Variants in BRAF observed in about 807,000 individuals in gnomAD.
The protein encoded by BRAF is B-Raf proto-oncogene, serine/threonine kinase.
In BRAF, 16 loss-of-function variants were observed where a neutral mutation model predicts 104.6. The observed-to-expected ratio is 0.15, with a 90% CI of 0.10 to 0.23. The LOEUF is 0.23. Among genes scored for constraint, BRAF ranks in the 10% least tolerant of loss-of-function variants. The probability of loss-of-function intolerance (pLI) is 1.00; values close to 1 mark genes in which losing one functional copy is unlikely to be tolerated. For missense variants in BRAF, 541 were observed against 937.3 expected (o/e 0.58, Z 5.52); for synonymous variants, 310 against 341.6 (o/e 0.91, Z 1.02).
chr7:140,724,020 A>G lies in BRAF; in HGVS notation c.*2474T>C, dbSNP rs1158308703. 1.2e-5 allele frequency: 12 copies of G among 1,043,358 alleles called. No individual in the cohort carries two copies. The highest frequency in any genetic ancestry group is 1.4e-5 in the Non-Finnish European group (12 of 865,434). 64.6% of individuals were successfully genotyped at this position (1,043,358 alleles called of 1,614,324 possible). On this transcript the variant is annotated 3_prime_UTR_variant, in exon 20 of 20. Coordinates refer to ENST00000644969, the MANE Select transcript of BRAF (RefSeq NM_001374258.1). ...GTTTAAATATTTTATTTTTTAAGGTATCTATAAAAATCTCAATATGCTAAG... is the reference window on the plus strand; with the variant it reads ...GTTTAAATATTTTATTTTTTAAGGTGTCTATAAAAATCTCAATATGCTAAG...
At chr7:140,745,774 C>T (rs1225743384) in intron 17 of BRAF, among the ~76,000 whole-genome samples, 2 of 152,158 alleles carry the variant, frequency 1.3e-5, no homozygotes, top group African/African-American at 4.8e-5. Context: ...TAGTGCTTTG[C>T]ATATAGTTGG....
At chr7:140,791,159 C>T (rs535746608) in intron 8 of BRAF, among the ~76,000 whole-genome samples, 1 of 151,978 alleles carries the variant, frequency 6.6e-6, no homozygotes, top group Admixed American at 6.6e-5. Context: ...GTCCCTCAAC[C>T]CTGAATCAAG....
intron 2 of BRAF, among the ~76,000 whole-genome samples, chr7:140,839,472 G>A (rs1807700959): frequency 6.6e-6 from 1 of 152,094 alleles, no homozygotes; most frequent in South Asian, 2.1e-4. Flanking sequence ...GCTCACACCA[G>A]TAATCCCAGT....
Position 140,754,342 on chromosome 7 carries a change from C to G in BRAF, c.1815-109G>C, listed in dbSNP as rs181020040. 4.7e-4 allele frequency: 418 copies of G among 897,270 alleles called. 1 individual carries two copies. The highest frequency in any genetic ancestry group is 6.9e-4 in the Non-Finnish European group (367 of 534,754). The allele number at this position is 897,270 out of a possible 1,614,324, so 55.6% of individuals were successfully genotyped here. On this transcript the variant is annotated intron_variant, in intron 14 of 19. Coordinates refer to ENST00000644969, the MANE Select transcript of BRAF (RefSeq NM_001374258.1). The stretch of plus-strand genomic sequence containing the variant: ...AGACTTATTTAGAATCATGATACAA[C>G]TGAAAATAGTACATTGTAATAAACC...
intron 1 of BRAF, among the ~76,000 whole-genome samples, chr7:140,859,595 T>C (rs1810178128): frequency 6.6e-6 from 1 of 152,150 alleles, no homozygotes; most frequent in South Asian, 2.1e-4. Flanking sequence ...TATAATGATG[T>C]CAATTTTCCA....
intron 3 of BRAF, among the ~76,000 whole-genome samples, chr7:140,813,763 A>G (rs1351841213): frequency 1.3e-5 from 2 of 152,198 alleles, no homozygotes; most frequent in Non-Finnish European, 2.9e-5. Flanking sequence ...TGATATATAC[A>G]GTATTATGTA....
chr7:140,797,049 C>A (rs1357738526), intron 7 of BRAF, among the ~76,000 whole-genome samples: 2 of 152,120 alleles, frequency 1.3e-5, no homozygotes, highest in Admixed American at 1.3e-4. Flanking sequence ...TTCCACTAAC[C>A]AAGGTAACTT....
chr7:140,813,732 C>T (rs575228361), intron 3 of BRAF, among the ~76,000 whole-genome samples: 10 of 152,032 alleles, frequency 6.6e-5, no homozygotes, highest in Non-Finnish European at 1.5e-4. Flanking sequence ...CCTACATAAA[C>T]GTTAAAAACA....
Position 140,721,306 on chromosome 7 carries a change from T to C in BRAF, c.*5188A>G. On this transcript the variant is annotated 3_prime_UTR_variant, in exon 20 of 20. Coordinates refer to ENST00000644969, the MANE Select transcript of BRAF (RefSeq NM_001374258.1). ...TAATTGCCCCATGCATTTTTTTTTTTTAAAGCACTGTTACCTTAATTTAAG... is the reference window on the plus strand; with the variant it reads ...TAATTGCCCCATGCATTTTTTTTTTCTAAAGCACTGTTACCTTAATTTAAG... 1 of 1,167,586 alleles carries C rather than the reference T, an allele frequency of 8.6e-7. No individual in the cohort carries two copies. Among genetic ancestry groups the C allele is most frequent in the East Asian group, 3.7e-5 (1 of 26,688 alleles). The allele number at this position is 1,167,586 out of a possible 1,614,324, so 72.3% of individuals were successfully genotyped here.
At chr7:140,753,481 T>C (rs1241555319) in intron 15 of BRAF, 88 bp from the exon 15 acceptor site, 2 of 847,706 alleles carry the variant, frequency 2.4e-6, no homozygotes, top group Non-Finnish European at 4.0e-6. Flanking sequence ...AGATCTAATT[T>C]CTATAATTCT....
At position 140,721,179 on chromosome 7, in the gene BRAF, TGTC is replaced by T. The variant is rs1443260198; in HGVS notation, c.*5312_*5314del. On this transcript the variant is annotated 3_prime_UTR_variant, in exon 20 of 20. Transcript: ENST00000644969. Reference sequence around the variant, plus strand: ...TAATTATTCAAAATAGCTAAATAAATGTCAACATTTTAATAAAGCTGATTTAGT... The same window carrying T: ...TAATTATTCAAAATAGCTAAATAAATAACATTTTAATAAAGCTGATTTAGT... 9.4e-7 allele frequency: 1 copy of T among 1,068,020 alleles called. No individual in the cohort carries two copies. The highest frequency in any genetic ancestry group is 5.0e-5 in the East Asian group (1 of 20,174). The allele number at this position is 1,068,020 out of a possible 1,614,324, so 66.2% of individuals were successfully genotyped here.
chr7:140,861,840 T>C (rs963440806), intron 1 of BRAF, among the ~76,000 whole-genome samples: 17 of 152,144 alleles, frequency 1.1e-4, no homozygotes, highest in African/African-American at 4.1e-4. Flanking sequence ...TACTATATAC[T>C]TGAAGTAGAA....
intron 18 of BRAF, among the ~76,000 whole-genome samples, chr7:140,739,399 A>T (rs1796711513): frequency 6.6e-6 from 1 of 151,950 alleles, no homozygotes; most frequent in African/African-American, 2.4e-5. Context: ...AGATAATAGA[A>T]CTGTTTTTTT....
At chr7:140,872,053 T>A (rs1363449932) in intron 1 of BRAF, among the ~76,000 whole-genome samples, 1 of 151,930 alleles carries the variant, frequency 6.6e-6, no homozygotes, top group Non-Finnish European at 1.5e-5. Context: ...CCGTTTCCAC[T>A]AAAAGTACAA....
At chr7:140,913,919 C>T (rs1042804684) in intron 1 of BRAF, among the ~76,000 whole-genome samples, 1 of 152,108 alleles carries the variant, frequency 6.6e-6, no homozygotes, top group Non-Finnish European at 1.5e-5. Flanking sequence ...AGTATGTTGC[C>T]ACTTCATGTT....
chr7:140,839,645 G>A (rs944670857), intron 2 of BRAF, among the ~76,000 whole-genome samples: 1 of 152,104 alleles, frequency 6.6e-6, no homozygotes, highest in East Asian at 1.9e-4. Flanking sequence ...CGGGAGGATC[G>A]CCTGAGCCCA....
In BRAF at chr7:140,850,060, G is replaced by C; in HGVS notation, c.240+51C>G. ...ATTATCAGTACAAATGTTTTTATAAGTTCATTTTTTTTCTTTTCAAAATTA... is the reference window on the plus strand; with the variant it reads ...ATTATCAGTACAAATGTTTTTATAACTTCATTTTTTTTCTTTTCAAAATTA... On this transcript the variant is annotated intron_variant, in intron 2 of 19. Transcript: ENST00000644969. The C allele has an allele frequency of 2.3e-6, 3 of 1,315,160 alleles. No individual in the cohort carries two copies. In the South Asian group the frequency reaches 3.6e-5, roughly 16 times the overall value. The allele number at this position is 1,315,160 out of a possible 1,614,324, so 81.5% of individuals were successfully genotyped here.
At chr7:140,734,389 GTATTT>G in intron 19 of BRAF, 5 of 1,420,806 alleles carry the variant, frequency 3.5e-6, no homozygotes, top group Non-Finnish European at 4.6e-6. Context: ...CAATGTCTAT[GTATTT>G]TAACCCTTGG....
chr7:140,775,254 CAA>C (rs1314484939), intron 14 of BRAF, among the ~76,000 whole-genome samples: 1 of 152,020 alleles, frequency 6.6e-6, no homozygotes, highest in Admixed American at 6.6e-5. Context: ...GAAGAAATTG[CAA>C]AGAGACCAGT....
Sources: gnomAD v4.1 joint callset for allele counts (sites outside exome capture counted in the v4.1 genomes callset) on GRCh38, gnomAD v4.1.1 for gene constraint, MANE v1.5 for transcripts, NCBI Gene and HGNC (gene_info 2026-07-23, HGNC 2026-07-21) for gene names.